Variants in PLA2G4E observed in about 807,000 individuals in gnomAD.
PLA2G4E encodes cytosolic phospholipase A2 epsilon.
Under a neutral mutation model 109.1 loss-of-function variants are expected in PLA2G4E, and 84 were observed. The observed-to-expected ratio is 0.77, with a 90% CI of 0.65 to 0.92. The LOEUF is 0.92. Ranked by LOEUF, PLA2G4E falls within the 40% of genes least tolerant of loss-of-function variation. The pLI, the probability that PLA2G4E is intolerant of heterozygous loss-of-function variation, is 0.00. For missense variants in PLA2G4E, 1,057 were observed against 1,076.6 expected (o/e 0.98, Z 0.25); for synonymous variants, 469 against 436.1 (o/e 1.08, Z -0.94).
intron 1 of PLA2G4E, among the ~76,000 whole-genome samples, chr15:42,043,111 C>T (rs7164593): frequency 0.087 from 13,273 of 152,150 alleles, 601 homozygotes; most frequent in South Asian, 0.13. Flanking sequence ...ACTGGGCAAG[C>T]GGGGGTGGCT....
intron 1 of PLA2G4E, among the ~76,000 whole-genome samples, chr15:42,047,663 C>G (rs182686894): frequency 6.6e-6 from 1 of 152,214 alleles, no homozygotes; most frequent in African/African-American, 2.4e-5. Context: ...ACCCAGTGTG[C>G]ACACATTCCC....
intron 1 of PLA2G4E, among the ~76,000 whole-genome samples, chr15:42,016,049 T>C (rs2141059848): frequency 6.6e-6 from 1 of 152,244 alleles, no homozygotes; most frequent in South Asian, 2.1e-4. Flanking sequence ...TATAGAAGCG[T>C]CTGAACCGGC....
exon 9 of PLA2G4E, chr15:41,999,939 C>T (rs1291790984): frequency 1.2e-6 from 2 of 1,610,972 alleles, no homozygotes; most frequent in East Asian, 2.2e-5. Context: ...CATCACCTGA[C>T]CATCGGAAAG....
At chr15:41,982,188 G>T (rs2068076363) in exon 20 of PLA2G4E, 2 of 152,168 alleles carry the variant, frequency 1.3e-5, no homozygotes, top group African/African-American at 4.8e-5. Context: ...CCAGAAAGGG[G>T]ACTCCGCCTT....
chr15:42,031,564 C>T (rs987624744), intron 1 of PLA2G4E, among the ~76,000 whole-genome samples: 2 of 152,184 alleles, frequency 1.3e-5, no homozygotes, highest in Non-Finnish European at 1.5e-5. Context: ...CCTTTTCCCT[C>T]CTCCATCCCA....
Position 42,001,364 on chromosome 15 carries a change from C to G in PLA2G4E, c.610-144G>C, listed in dbSNP as rs1303769353. The stretch of plus-strand genomic sequence containing the variant: ...TGCTGGGGAATGCAGAATGTGTTGA[C>G]CACATTTTCTGAACCCAATCAAGGC... On this transcript the variant is annotated intron_variant, in intron 6 of 19. Transcript: ENST00000399518. 11 of 756,800 alleles carry G rather than the reference C, an allele frequency of 1.5e-5. No homozygotes were observed. In the African/African-American group the frequency reaches 1.7e-4, roughly 12 times the overall value. The allele number at this position is 756,800 out of a possible 1,614,324, so 46.9% of individuals were successfully genotyped here.
intron 1 of PLA2G4E, among the ~76,000 whole-genome samples, chr15:42,015,481 G>A (rs894112267): frequency 6.6e-6 from 1 of 152,210 alleles, no homozygotes; most frequent in Non-Finnish European, 1.5e-5. Context: ...GTGCTCGCTG[G>A]TAGGGCTCCC....
At chr15:42,008,286 G>C (rs937462198) in intron 2 of PLA2G4E, among the ~76,000 whole-genome samples, 43 of 152,222 alleles carry the variant, frequency 2.8e-4, no homozygotes, top group African/African-American at 1.0e-3. Flanking sequence ...CACTCCCTCT[G>C]GGCTGAGGAG....
At chr15:42,002,167 G>A (rs2068426693) in intron 6 of PLA2G4E, among the ~76,000 whole-genome samples, 1 of 151,686 alleles carries the variant, frequency 6.6e-6, no homozygotes, top group Admixed American at 6.6e-5. Context: ...ATAATAGCTG[G>A]GGGTGGTGGC....
At chr15:42,032,773 C>T (rs896244134) in intron 1 of PLA2G4E, among the ~76,000 whole-genome samples, 1 of 152,158 alleles carries the variant, frequency 6.6e-6, no homozygotes, top group African/African-American at 2.4e-5. Flanking sequence ...TGGGGTAAGA[C>T]ACAGACTAAA....
exon 1 of PLA2G4E, chr15:42,050,590 G>C: frequency 6.4e-7 from 1 of 1,550,598 alleles, no homozygotes; most frequent in Non-Finnish European, 8.7e-7. Flanking sequence ...GTGTATCCTC[G>C]AACTCACTGA....
At chr15:41,985,227 C>T (rs1156445057) in intron 18 of PLA2G4E, among the ~76,000 whole-genome samples, 2 of 152,154 alleles carry the variant, frequency 1.3e-5, no homozygotes, top group African/African-American at 2.4e-5. Flanking sequence ...CAAGATCACA[C>T]GTAGGAAAGT....
intron 5 of PLA2G4E, among the ~76,000 whole-genome samples, chr15:42,003,818 C>G (rs763884783): frequency 6.6e-6 from 1 of 152,244 alleles, no homozygotes; most frequent in Non-Finnish European, 1.5e-5. Flanking sequence ...GAGGAACAAG[C>G]TGCCCAGTTA....
At chr15:42,010,893 G>A (rs2068529110) in intron 2 of PLA2G4E, among the ~76,000 whole-genome samples, 2 of 152,320 alleles carry the variant, frequency 1.3e-5, no homozygotes, top group South Asian at 2.1e-4. Flanking sequence ...GAAACTTTAG[G>A]AGACTCAGGC....
intron 1 of PLA2G4E, among the ~76,000 whole-genome samples, chr15:42,049,187 C>T (rs946589585): frequency 2.0e-5 from 3 of 152,166 alleles, no homozygotes; most frequent in African/African-American, 7.2e-5. Flanking sequence ...GGGGCAGAGA[C>T]ATCAAGGGAA....
intron 1 of PLA2G4E, among the ~76,000 whole-genome samples, chr15:42,033,820 G>A (rs1889159611): frequency 6.6e-6 from 1 of 152,192 alleles, no homozygotes; most frequent in African/African-American, 2.4e-5. Context: ...GGCCCTGGTG[G>A]GGATGGGCTC....
At chr15:42,030,039 T>C (rs945333673) in intron 1 of PLA2G4E, among the ~76,000 whole-genome samples, 6 of 151,948 alleles carry the variant, frequency 3.9e-5, no homozygotes, top group African/African-American at 1.5e-4. Context: ...GAGGAAGAAT[T>C]TGAACTTGCC....
intron 1 of PLA2G4E, among the ~76,000 whole-genome samples, chr15:42,015,227 T>C (rs1426481187): frequency 6.6e-6 from 1 of 152,128 alleles, no homozygotes; most frequent in African/African-American, 2.4e-5. Flanking sequence ...ATTACTTCAT[T>C]ACTTTCTGCC....
At chr15:42,025,265 C>T (rs78214314) in intron 1 of PLA2G4E, among the ~76,000 whole-genome samples, 4,139 of 151,740 alleles carry the variant, frequency 0.027, 166 homozygotes, top group South Asian at 0.15. Context: ...AAAGGTGACT[C>T]GCCAGTAAGA....
Sources: gnomAD v4.1 joint callset for allele counts (sites outside exome capture counted in the v4.1 genomes callset) on GRCh38, gnomAD v4.1.1 for gene constraint, MANE v1.5 for transcripts, NCBI Gene and HGNC (gene_info 2026-07-23, HGNC 2026-07-21) for gene names.